Variants in PCLO observed in about 807,000 individuals in gnomAD.
PCLO encodes protein piccolo.
PCLO carries 82 observed loss-of-function variants against 427.5 expected under a neutral mutation model. The observed-to-expected ratio is 0.19, with a 90% CI of 0.16 to 0.23. The LOEUF is 0.23. PCLO is among the 10% of genes least tolerant of loss of function. The probability of loss-of-function intolerance (pLI) is 1.00; values close to 1 mark genes in which losing one functional copy is unlikely to be tolerated. For missense variants in PCLO, 6,239 were observed against 6,115.9 expected (o/e 1.02, Z -0.67); for synonymous variants, 2,357 against 2,155.4 (o/e 1.09, Z -2.59).
rs775894640 is a variant in PCLO at position 82,955,832 on chromosome 7, T to C, written c.5121A>G (p.Ser1707=). Reference sequence around the variant, plus strand: ...CCTCTCCCCTTGACCTATCTTCAGGTGAGTCTGTCAGGCTTTCCATTTCCA... The same window carrying C: ...CCTCTCCCCTTGACCTATCTTCAGGCGAGTCTGTCAGGCTTTCCATTTCCA... The part of the protein sequence containing the change: ...PELEMESLTD[S]PEDRSRGEGS... The change falls in exon 5 of 25, where the codon TCA becomes TCG. Residue 1707 remains serine (S), a synonymous_variant. Transcript: ENST00000333891. The C allele has an allele frequency of 4.3e-6, 7 of 1,613,980 alleles. No homozygotes were observed. In the South Asian group the frequency reaches 7.7e-5, roughly 18 times the overall value.
At chr7:83,129,828 A>G (rs1791525358) in intron 3 of PCLO, among the ~76,000 whole-genome samples, 1 of 152,196 alleles carries the variant, frequency 6.6e-6, no homozygotes, top group Non-Finnish European at 1.5e-5. Context: ...AGAGTAGAAC[A>G]TTAACTACGT....
intron 6 of PCLO, among the ~76,000 whole-genome samples, chr7:82,935,782 T>A (rs543957005): frequency 2.3e-4 from 35 of 151,478 alleles, no homozygotes; most frequent in African/African-American, 8.4e-4. Flanking sequence ...ACGACTGGAG[T>A]AAGATCATAG....
Position 83,155,430 on chromosome 7 carries a change from T to A in PCLO, c.1211A>T (p.Gln404Leu). 1 of 1,612,374 alleles carries A rather than the reference T, an allele frequency of 6.2e-7. No homozygotes were observed. The highest frequency in any genetic ancestry group is 1.3e-5 in the African/African-American group (1 of 74,916). ...GGTTGGAGGCTTTGCTGGCCCTGGC[T>A]GTTGAGCTGGAGTCTTTCCAACTCC... ...PPGVGKTPAQ[Q>L]PGPAKPPTQQ... Residue 404 changes from glutamine (Q) to leucine (L), a missense_variant, in exon 2 of 25, where the codon CAG becomes CTG. Gln to Leu is a moderately radical substitution (Grantham distance 113, BLOSUM62 -2). Transcript: ENST00000333891.
chr7:82,912,159 A>G (rs997019005), intron 7 of PCLO, among the ~76,000 whole-genome samples: 1 of 152,070 alleles, frequency 6.6e-6, no homozygotes. Flanking sequence ...AACCTGTAGA[A>G]TGTTATACTA....
intron 3 of PCLO, among the ~76,000 whole-genome samples, chr7:83,096,033 T>C (rs539237422): frequency 3.8e-5 from 5 of 132,714 alleles, no homozygotes; most frequent in East Asian, 5.4e-4. Flanking sequence ...TTCATAGATA[T>C]ATTTGTTTTT....
At chr7:82,895,069 A>G (rs1793869162) in intron 9 of PCLO, among the ~76,000 whole-genome samples, 1 of 152,100 alleles carries the variant, frequency 6.6e-6, no homozygotes, top group East Asian at 1.9e-4. Context: ...CATTTTATAT[A>G]CAAATTTATC....
At chr7:83,060,861 T>TA (rs1168060916) in intron 3 of PCLO, among the ~76,000 whole-genome samples, 2 of 152,356 alleles carry the variant, frequency 1.3e-5, no homozygotes, top group African/African-American at 2.4e-5. Flanking sequence ...GGTGATGTAA[T>TA]ACATCCTGAC....
chr7:82,895,590 A>G (rs901792395), intron 9 of PCLO, among the ~76,000 whole-genome samples: 1 of 151,962 alleles, frequency 6.6e-6, no homozygotes, highest in Non-Finnish European at 1.5e-5. Context: ...CTTTACTAAG[A>G]AAAAATTGAA....
At chr7:83,025,454 T>G (rs903649202) in intron 3 of PCLO, among the ~76,000 whole-genome samples, 1 of 151,068 alleles carries the variant, frequency 6.6e-6, no homozygotes, top group Non-Finnish European at 1.5e-5. Flanking sequence ...TGGGACTATG[T>G]GAAAAGACCA....
intron 22 of PCLO, among the ~76,000 whole-genome samples, chr7:82,762,519 CA>C (rs969179975): frequency 8.6e-5 from 13 of 151,180 alleles, no homozygotes; most frequent in Admixed American, 5.3e-4. Context: ...TCTTTACACT[CA>C]AAAAAAATTG....
At chr7:83,153,173 T>C (rs1024238735) in intron 2 of PCLO, among the ~76,000 whole-genome samples, 8 of 150,228 alleles carry the variant, frequency 5.3e-5, no homozygotes, top group African/African-American at 1.5e-4. Context: ...TATATATGTA[T>C]ATATAAAAAC....
At chr7:83,097,445 C>A (rs1038680075) in intron 3 of PCLO, among the ~76,000 whole-genome samples, 2 of 146,076 alleles carry the variant, frequency 1.4e-5, no homozygotes, top group African/African-American at 5.0e-5. Flanking sequence ...TGGCATGAAC[C>A]CGGGAGGCGG....
intron 7 of PCLO, among the ~76,000 whole-genome samples, chr7:82,913,704 A>C (rs1794378085): frequency 1.3e-5 from 2 of 152,046 alleles, no homozygotes. Flanking sequence ...TTTAAACACA[A>C]AGCTACTTTA....
At chr7:82,971,570 TTATATAA>T (rs201039897) in intron 3 of PCLO, among the ~76,000 whole-genome samples, 2,294 of 147,478 alleles carry the variant, frequency 0.016, 84 homozygotes, top group Admixed American at 0.074. Flanking sequence ...ATATATCATG[TTATATAA>T]TATATAATAT....
intron 3 of PCLO, among the ~76,000 whole-genome samples, chr7:82,973,386 CATAT>C (rs905587186): frequency 2.0e-5 from 3 of 151,830 alleles, no homozygotes; most frequent in Non-Finnish European, 4.4e-5. Context: ...GGTTCTTCCT[CATAT>C]ATAGACATAA....
At chr7:82,989,426 T>A (rs561111045) in intron 3 of PCLO, among the ~76,000 whole-genome samples, 1 of 152,268 alleles carries the variant, frequency 6.6e-6, no homozygotes, top group East Asian at 1.9e-4. Context: ...TTGAAAATTA[T>A]AATAATCATA....
At chr7:83,089,516 C>T (rs966174162) in intron 3 of PCLO, among the ~76,000 whole-genome samples, 1 of 152,154 alleles carries the variant, frequency 6.6e-6, no homozygotes, top group Non-Finnish European at 1.5e-5. Context: ...AGAATGGCCC[C>T]CTTGGCTCAG....
rs185708959 is a variant in PCLO at position 83,119,993 on chromosome 7, G to C, written c.3300+14257C>G. Among the ~76,000 whole-genome samples the C allele has an allele frequency of 1.1e-4, 17 of 151,950 alleles. No homozygotes were observed. The East Asian group carries it at 2.7e-3, about 24-fold the overall frequency. On this transcript the variant is annotated intron_variant, in intron 3 of 24. Transcript: ENST00000333891. The stretch of plus-strand genomic sequence containing the variant: ...AGACTATATGAAAATACAGTTACAG[G>C]AGAAAAAAATATTTCTAATAAAGCA...
chr7:82,797,094 C>G (rs1056240797), intron 22 of PCLO, among the ~76,000 whole-genome samples: 2 of 151,762 alleles, frequency 1.3e-5, no homozygotes, highest in Non-Finnish European at 2.9e-5. Flanking sequence ...GAGAGTAGAG[C>G]CTAGCAAATT....
Sources: allele counts gnomAD v4.1 joint callset (sites outside exome capture counted in the v4.1 genomes callset), GRCh38; gene constraint gnomAD v4.1.1; transcripts MANE v1.5; gene names NCBI Gene and HGNC (gene_info 2026-07-23, HGNC 2026-07-21).